The following COMMD1 variants were observed in gnomAD, a reference collection of about 807,000 sequenced individuals.
COMMD1 encodes copper metabolism domain containing 1.
Under a neutral mutation model 17.2 loss-of-function variants are expected in COMMD1, and 10 were observed. The ratio of observed to expected loss-of-function variants is 0.58; its 90% CI spans 0.36 to 0.99. The LOEUF is 0.99. Among genes scored for constraint, COMMD1 ranks in the 50% least tolerant of loss-of-function variants. The pLI is 0.01. For missense variants in COMMD1, 270 were observed against 231.8 expected (o/e 1.17, Z -1.07); for synonymous variants, 97 against 91.6 (o/e 1.06, Z -0.34).
At chr2:62,005,640 A>G (rs1322251113) in intron 2 of COMMD1, among the ~76,000 whole-genome samples, 2 of 152,186 alleles carry the variant, frequency 1.3e-5, no homozygotes, top group South Asian at 2.1e-4. Flanking sequence ...CAAAACCACA[A>G]TGAGATACCA....
intron 1 of COMMD1, among the ~76,000 whole-genome samples, chr2:61,984,009 G>T (rs996181325): frequency 6.6e-6 from 1 of 152,120 alleles, no homozygotes; most frequent in East Asian, 1.9e-4. Context: ...ACTGTAGCCA[G>T]TAGGTTTTGG....
chr2:62,019,088 TTCTC>T (rs1298101730), intron 2 of COMMD1, among the ~76,000 whole-genome samples: 7 of 113,234 alleles, frequency 6.2e-5, no homozygotes, highest in African/African-American at 2.2e-4. Context: ...CTCTCTTTCT[TTCTC>T]TCTCTCTCTT....
intron 2 of COMMD1, among the ~76,000 whole-genome samples, chr2:62,097,249 G>A (rs933136507): frequency 6.6e-6 from 1 of 152,210 alleles, no homozygotes; most frequent in African/African-American, 2.4e-5. Flanking sequence ...AAGGGCTGGT[G>A]CAGGGTATTA....
chr2:62,072,366 C>T (rs1671220061), intron 2 of COMMD1, among the ~76,000 whole-genome samples: 1 of 152,152 alleles, frequency 6.6e-6, no homozygotes, highest in Non-Finnish European at 1.5e-5. Flanking sequence ...TCAGCACTCA[C>T]TCCCCCATTC....
At chr2:62,022,953 T>TA (rs1162608032) in intron 2 of COMMD1, among the ~76,000 whole-genome samples, 1 of 152,112 alleles carries the variant, frequency 6.6e-6, no homozygotes, top group Non-Finnish European at 1.5e-5. Context: ...CAGTTCACTT[T>TA]AAAAATCTCA....
intron 2 of COMMD1, among the ~76,000 whole-genome samples, chr2:62,019,101 T>TTCCCTCCCTCCCTCCC (rs767718400): frequency 1.1e-5 from 1 of 88,350 alleles, no homozygotes; most frequent in Non-Finnish European, 2.2e-5. Context: ...TCTCTCTCTC[T>TTCCCTCCCTCCCTCCC]TCCCTCCCTC....
At chr2:62,073,681 C>T (rs547977932) in intron 2 of COMMD1, among the ~76,000 whole-genome samples, 5 of 152,266 alleles carry the variant, frequency 3.3e-5, no homozygotes, top group Admixed American at 6.5e-5. Context: ...TCACTCAAAT[C>T]GGCCCAGAAT....
chr2:62,092,825 C>G (rs1361560501), intron 2 of COMMD1, among the ~76,000 whole-genome samples: 2 of 152,094 alleles, frequency 1.3e-5, no homozygotes, highest in Admixed American at 1.3e-4. Flanking sequence ...TTTCACAGGG[C>G]GATAAATAAT....
intron 1 of COMMD1, among the ~76,000 whole-genome samples, chr2:61,938,268 G>C (rs1238356002): frequency 6.8e-6 from 1 of 146,398 alleles, no homozygotes. Flanking sequence ...CTGGGCATGC[G>C]TATTAAGAGA....
At chr2:62,035,318 T>G (rs1670008563) in intron 2 of COMMD1, among the ~76,000 whole-genome samples, 1 of 152,256 alleles carries the variant, frequency 6.6e-6, no homozygotes, top group Non-Finnish European at 1.5e-5. Flanking sequence ...AAAGCTCAAC[T>G]GAAAACTGCT....
chr2:62,114,295 A>G (rs934545820), intron 2 of COMMD1, among the ~76,000 whole-genome samples: 3 of 152,180 alleles, frequency 2.0e-5, no homozygotes, highest in Admixed American at 1.3e-4. Context: ...ACTGGATATA[A>G]GTAGAATAAT....
chr2:62,054,580 T>A (rs1670635112), intron 2 of COMMD1, among the ~76,000 whole-genome samples: 1 of 151,970 alleles, frequency 6.6e-6, no homozygotes, highest in Admixed American at 6.6e-5. Flanking sequence ...GAACTGGAGG[T>A]CATTAAGTGA....
rs141325638 is a variant in COMMD1 at position 62,011,576 on chromosome 2, T to G, written c.462+10594T>G. ...CACATGGTGTTCAGTTAATATTTCTTGAGTGGATAAATCACGTAACTCACT... is the reference window on the plus strand; with the variant it reads ...CACATGGTGTTCAGTTAATATTTCTGGAGTGGATAAATCACGTAACTCACT... On this transcript the variant is annotated intron_variant, in intron 2 of 2. Transcript: ENST00000311832. Among the ~76,000 whole-genome samples the G allele has an allele frequency of 1.8e-3, 270 of 152,340 alleles. 2 individuals are homozygous for G. Among genetic ancestry groups the G allele is most frequent in the African/African-American group, 6.4e-3 (268 of 41,580 alleles).
intron 1 of COMMD1, among the ~76,000 whole-genome samples, chr2:61,929,146 T>C (rs1241328386): frequency 6.6e-6 from 1 of 152,234 alleles, no homozygotes; most frequent in Non-Finnish European, 1.5e-5. Context: ...CTGAATTACA[T>C]GTCCGAGATA....
Position 62,099,475 on chromosome 2 carries a change from G to A in COMMD1, c.463-36356G>A, listed in dbSNP as rs908166367. Among the ~76,000 whole-genome samples, 5 of 152,050 alleles carry A rather than the reference G, an allele frequency of 3.3e-5. No homozygotes were observed. The South Asian group carries it at 8.3e-4, about 25-fold the overall frequency. ...TTTACATAAATACTCGCAAGTCAAG[G>A]CACCATAATTATTAAACATAAACCC... On this transcript the variant is annotated intron_variant, in intron 2 of 2. Coordinates refer to ENST00000311832, the MANE Select transcript of COMMD1 (RefSeq NM_152516.4).
At chr2:62,067,079 G>GC in intron 2 of COMMD1, among the ~76,000 whole-genome samples, 1 of 152,172 alleles carries the variant, frequency 6.6e-6, no homozygotes, top group South Asian at 2.1e-4. Flanking sequence ...CTAGGTTCCG[G>GC]CCGGGCATGG....
At chr2:62,004,591 C>T (rs912880890) in intron 2 of COMMD1, among the ~76,000 whole-genome samples, 4 of 152,212 alleles carry the variant, frequency 2.6e-5, no homozygotes, top group Middle Eastern at 3.4e-3. Context: ...CTTGAGCCAC[C>T]GCGCCCGGCC....
chr2:62,108,978 C>T (rs1418927774), intron 2 of COMMD1, among the ~76,000 whole-genome samples: 1 of 152,194 alleles, frequency 6.6e-6, no homozygotes, highest in Non-Finnish European at 1.5e-5. Flanking sequence ...CTCAGCACTT[C>T]AGTCCTACCA....
intron 2 of COMMD1, among the ~76,000 whole-genome samples, chr2:62,008,089 C>T (rs973447710): frequency 6.6e-6 from 1 of 152,092 alleles, no homozygotes; most frequent in African/African-American, 2.4e-5. Context: ...GAGTGAGGAT[C>T]CCTTGTGCCC....
Sources: gnomAD v4.1 joint callset for allele counts (sites outside exome capture counted in the v4.1 genomes callset) on GRCh38, gnomAD v4.1.1 for gene constraint, MANE v1.5 for transcripts, NCBI Gene and HGNC (gene_info 2026-07-23, HGNC 2026-07-21) for gene names.